The following PCNX4 variants were observed in gnomAD, a reference collection of about 807,000 sequenced individuals.
PCNX4 encodes pecanex 4.
Under a neutral mutation model 107.2 loss-of-function variants are expected in PCNX4, and 103 were observed. That is an observed-to-expected ratio of 0.96 (90% CI 0.82 to 1.13). The LOEUF (loss-of-function observed/expected upper bound fraction) is 1.13. PCNX4 is among the 50% of genes most tolerant of loss of function. PCNX4 has a pLI of 0.00. For missense variants in PCNX4, 1,528 were observed against 1,379.4 expected (o/e 1.11, Z -1.71); for synonymous variants, 541 against 481.7 (o/e 1.12, Z -1.61).
At chr14:60,128,063 AGAAT>A (rs1427915836) in intron 10 of PCNX4, among the ~76,000 whole-genome samples, 1 of 152,218 alleles carries the variant, frequency 6.6e-6, no homozygotes, top group Non-Finnish European at 1.5e-5. Context: ...AGAAGAGAAA[AGAAT>A]GAATAAAAAG....
At position 60,112,551 on chromosome 14, in the gene PCNX4, A is replaced by G. The variant is rs138027091; in HGVS notation, c.690-2149A>G. ...ATTACTTCAATTATGTTATCCTTGT[A>G]TACGAATACTTTACTTTGCCATTGC... On this transcript the variant is annotated intron_variant, in intron 2 of 10. Transcript: ENST00000406854. 8.9e-4 allele frequency among the ~76,000 whole-genome samples: 136 copies of G among 152,362 alleles called. 1 individual carries two copies. Among genetic ancestry groups the G allele is most frequent in the African/African-American group, 3.1e-3 (130 of 41,600 alleles).
rs1896251516 is a variant in PCNX4, at chr14:60,137,328, G to T, written c.*3107G>T. ...AAGACTCTCCAAGGAAGTAGGGGAG[G>T]GGAAAGGAATCCTAGTTAACTGACC... On this transcript the variant is annotated 3_prime_UTR_variant, in exon 11 of 11. Coordinates refer to ENST00000406854, the MANE Select transcript of PCNX4 (RefSeq NM_001330177.2). 6.6e-6 allele frequency: 1 copy of T among 152,162 alleles called. No individual in the cohort carries two copies. The highest frequency in any genetic ancestry group is 1.5e-5 in the Non-Finnish European group (1 of 68,042). 9.4% of individuals were successfully genotyped at this position (152,162 alleles called of 1,614,324 possible).
At chr14:60,121,161 C>CTTTTTTTTTTTTTT in intron 7 of PCNX4, 35 bp from the exon 8 acceptor site, 1 of 1,101,174 alleles carries the variant, frequency 9.1e-7, no homozygotes, top group South Asian at 1.8e-5. Context: ...AAATGATTTT[C>CTTTTTTTTTTTTTT]TTTTTTTTTT....
At chr14:60,100,143 A>G (rs78762952) in intron 1 of PCNX4, among the ~76,000 whole-genome samples, 2,460 of 152,266 alleles carry the variant, frequency 0.016, 73 homozygotes, top group African/African-American at 0.057. Flanking sequence ...TGCCCTTCAT[A>G]TATGAAAAGT....
chr14:60,125,517 T>G, intron 9 of PCNX4, 120 bp from the exon 10 acceptor site: 1 of 827,710 alleles, frequency 1.2e-6, no homozygotes, highest in Non-Finnish European at 1.7e-6. Context: ...CCTCCACTTT[T>G]TATCTGAAAT....
In PCNX4 at chr14:60,115,444, G is replaced by A. The variant is rs535098016; in HGVS notation, c.1340G>A (p.Arg447Gln). 275 of 1,525,108 alleles carry A rather than the reference G, an allele frequency of 1.8e-4. No homozygotes were observed. Among genetic ancestry groups the A allele is most frequent in the Non-Finnish European group, 2.2e-4 (256 of 1,141,454 alleles). The allele number at this position is 1,525,108 out of a possible 1,614,324, so 94.5% of individuals were successfully genotyped here. Residue 447 changes from arginine to glutamine, a missense_variant, in exon 4 of 11, where the codon CGG (arginine) becomes CAG (glutamine). By Grantham distance (43) the Arg-to-Gln change is conservative. Coordinates refer to ENST00000406854, the MANE Select transcript of PCNX4 (RefSeq NM_001330177.2). Reference protein sequence around the residue: ...TRLMKIGIVRRILLTLVSPFA... With the variant: ...TRLMKIGIVRQILLTLVSPFA... ...CTCATGAAGATTGGTATTGTCAGAC[G>A]GATTTTGCTAACTTTAGGTAGGAAG...
At chr14:60,104,869 G>T (rs1164348697) in intron 1 of PCNX4, among the ~76,000 whole-genome samples, 3 of 152,138 alleles carry the variant, frequency 2.0e-5, no homozygotes, top group Non-Finnish European at 4.4e-5. Flanking sequence ...CAGCCAAACC[G>T]TATCAGCCCC....
intron 10 of PCNX4, among the ~76,000 whole-genome samples, chr14:60,128,881 G>A (rs539083224): frequency 3.5e-4 from 53 of 152,260 alleles, no homozygotes; most frequent in Non-Finnish European, 5.7e-4. Context: ...CTGGATTCTT[G>A]AATCTACAGG....
rs1896304397 is a variant in PCNX4 at position 60,141,385 on chromosome 14, A to G, written c.*7164A>G. On this transcript the variant is annotated 3_prime_UTR_variant, in exon 11 of 11. Transcript: ENST00000406854. ...CAATCAAGAAAATCCATAAACCTGT[A>G]GAAAGACTGACAAAAAGAAAAAACA... 1 of 152,242 alleles carries G rather than the reference A, an allele frequency of 6.6e-6. No individual in the cohort carries two copies. Among genetic ancestry groups the G allele is most frequent in the Non-Finnish European group, 1.5e-5 (1 of 68,036 alleles). The allele number at this position is 152,242 out of a possible 1,614,324, so 9.4% of individuals were successfully genotyped here.
rs377106996 is a variant in PCNX4 at position 60,134,254 on chromosome 14, A to G, written c.*33A>G. 159 of 1,601,120 alleles carry G rather than the reference A, an allele frequency of 9.9e-5. 1 individual carries two copies. The highest frequency in any genetic ancestry group is 7.4e-4 in the South Asian group (67 of 89,988). ...TTTGACTGTAATGTCATCAAATGCA[A>G]TGTTTTTATTTTTTCATCCTAAAAA... On this transcript the variant is annotated 3_prime_UTR_variant, in exon 11 of 11. Transcript: ENST00000406854.
At position 60,098,559 on chromosome 14, in the gene PCNX4, G is replaced by C. The variant is rs80056165; in HGVS notation, c.-54+6140G>C. Reference sequence around the variant, plus strand: ...TTTCAGTCTTTCTTTTCTAGTACTTGGGTAGACTTTCCTTTGGTTGGGGAG... The same window carrying C: ...TTTCAGTCTTTCTTTTCTAGTACTTCGGTAGACTTTCCTTTGGTTGGGGAG... On this transcript the variant is annotated intron_variant, in intron 1 of 10. Transcript: ENST00000406854. Among the ~76,000 whole-genome samples, 819 of 152,258 alleles carry C rather than the reference G, an allele frequency of 5.4e-3. 5 individuals carry two copies. Among genetic ancestry groups the C allele is most frequent in the African/African-American group, 0.019 (784 of 41,540 alleles).
intron 1 of PCNX4, among the ~76,000 whole-genome samples, chr14:60,096,273 A>G (rs776071286): frequency 2.0e-5 from 3 of 152,216 alleles, no homozygotes; most frequent in Non-Finnish European, 2.9e-5. Context: ...ATGTAAAGCC[A>G]TACGGTTTTG....
intron 1 of PCNX4, among the ~76,000 whole-genome samples, chr14:60,105,584 A>G (rs926150650): frequency 3.9e-5 from 6 of 152,290 alleles, no homozygotes; most frequent in African/African-American, 1.4e-4. Flanking sequence ...ATTTTTCAGT[A>G]TATCATGGGC....
Position 60,140,396 on chromosome 14 carries a change from G to C in PCNX4, c.*6175G>C, listed in dbSNP as rs1896293389. 2 of 152,118 alleles carry C rather than the reference G, an allele frequency of 1.3e-5. No individual in the cohort carries two copies. The highest frequency in any genetic ancestry group is 2.4e-5 in the African/African-American group (1 of 41,414). 9.4% of individuals were successfully genotyped at this position (152,118 alleles called of 1,614,324 possible). ...CCATAGTGAAACAACAAGCCTAGAT[G>C]GATTGATTCGTCAATGGAAAGACAA... On this transcript the variant is annotated 3_prime_UTR_variant, in exon 11 of 11. Transcript: ENST00000406854. This position sits in a 1 kb window ranked among gnomAD's most constrained non-coding sequence, Gnocchi z 4.2.
intron 1 of PCNX4, among the ~76,000 whole-genome samples, chr14:60,103,263 T>G (rs1895567113): frequency 1.3e-5 from 2 of 152,182 alleles, no homozygotes; most frequent in South Asian, 2.1e-4. Context: ...AGTTACATGA[T>G]CTGTTACTAG....
chr14:60,096,471 C>G (rs1219847457), intron 1 of PCNX4, among the ~76,000 whole-genome samples: 2 of 152,310 alleles, frequency 1.3e-5, no homozygotes, highest in East Asian at 3.9e-4. Context: ...ATGTGTCCAA[C>G]AAGATTGTAA....
rs73310151 is a variant in PCNX4, at chr14:60,115,842, A to G, written c.1458+23A>G. 5.0e-4 allele frequency: 800 copies of G among 1,598,304 alleles called. 5 individuals are homozygous for G. The African/African-American group carries it at 9.9e-3, about 20-fold the overall frequency. On this transcript the variant is annotated intron_variant, in intron 5 of 10. Coordinates refer to ENST00000406854, the MANE Select transcript of PCNX4 (RefSeq NM_001330177.2). ...ATGGTAATCCTAATATGTGTTTAAT[A>G]GTATTTTCCTATTGCTAAGTTTTAT... is the stretch of plus-strand genomic sequence containing the variant.
rs1215648124 is a variant in PCNX4, at chr14:60,140,642, C to A, written c.*6421C>A. On this transcript the variant is annotated 3_prime_UTR_variant, in exon 11 of 11. Coordinates refer to ENST00000406854, the MANE Select transcript of PCNX4 (RefSeq NM_001330177.2). This position sits in a 1 kb window ranked among gnomAD's most constrained non-coding sequence, Gnocchi z 4.2. Reference sequence around the variant, plus strand: ...CACCCCTACACACACAGAATAATCACAATCAAGTTGGGTTTCTTCCTGAAA... The same window carrying A: ...CACCCCTACACACACAGAATAATCAAAATCAAGTTGGGTTTCTTCCTGAAA... 6.6e-6 allele frequency: 1 copy of A among 151,876 alleles called. No individual in the cohort carries two copies. 9.4% of individuals were successfully genotyped at this position (151,876 alleles called of 1,614,324 possible). A position where few individuals can be genotyped will look rare whatever the true frequency, so the allele number is the denominator to read the frequency against.
chr14:60,099,487 T>A (rs1356490825), intron 1 of PCNX4, among the ~76,000 whole-genome samples: 1 of 152,168 alleles, frequency 6.6e-6, no homozygotes, highest in African/African-American at 2.4e-5. Flanking sequence ...TAATGAAAAT[T>A]GAAAGAATTC....
Sources: gnomAD v4.1 joint callset for allele counts (sites outside exome capture counted in the v4.1 genomes callset) on GRCh38, gnomAD v4.1.1 for gene constraint, Gnocchi (gnomAD v3.1) non-coding constraint, MANE v1.5 for transcripts, NCBI Gene and HGNC (gene_info 2026-07-23, HGNC 2026-07-21) for gene names.